Variants in SOX5 observed in about 807,000 individuals in gnomAD.
The protein encoded by SOX5 is transcription factor SOX-5.
Under a neutral mutation model 92.0 loss-of-function variants are expected in SOX5, and 9 were observed. The ratio of observed to expected loss-of-function variants is 0.10; its 90% CI spans 0.06 to 0.17. The LOEUF (loss-of-function observed/expected upper bound fraction) is 0.17. SOX5 is among the 10% of genes least tolerant of loss of function. SOX5 has a pLI of 1.00. For synonymous variants in SOX5, 344 were observed against 336.3 expected (o/e 1.02, Z -0.25); for missense variants, 642 against 944.5 (o/e 0.68, Z 4.20).
intron 1 of SOX5, among the ~76,000 whole-genome samples, chr12:24,419,435 C>T (rs770003705): frequency 1.3e-5 from 2 of 152,158 alleles, no homozygotes; most frequent in Non-Finnish European, 2.9e-5. Context: ...CCGCCATGCA[C>T]AGCCGAGTAG....
At chr12:23,573,172 T>TC (rs1948625402) in intron 10 of SOX5, among the ~76,000 whole-genome samples, 1 of 152,110 alleles carries the variant, frequency 6.6e-6, no homozygotes. Flanking sequence ...CTTCTTCCTC[T>TC]CCCCCCTTGA....
intron 4 of SOX5, among the ~76,000 whole-genome samples, chr12:24,025,879 G>C (rs1257906286): frequency 6.6e-6 from 1 of 152,068 alleles, no homozygotes; most frequent in Non-Finnish European, 1.5e-5. Context: ...ATTAAGATTA[G>C]TTGGAAAAGA....
chr12:24,451,590 G>T (rs1942313241), intron 1 of SOX5, among the ~76,000 whole-genome samples: 1 of 152,118 alleles, frequency 6.6e-6, no homozygotes. Flanking sequence ...TTAAAAAAAT[G>T]AATATCTAAT....
intron 1 of SOX5, among the ~76,000 whole-genome samples, chr12:24,468,693 A>G (rs1256237674): frequency 6.6e-6 from 1 of 152,058 alleles, no homozygotes; most frequent in Non-Finnish European, 1.5e-5. Flanking sequence ...TTTTTACTAT[A>G]TGTCTGTGGT....
At chr12:24,270,979 T>G (rs997023928) in intron 3 of SOX5, among the ~76,000 whole-genome samples, 3 of 152,280 alleles carry the variant, frequency 2.0e-5, no homozygotes, top group Non-Finnish European at 2.9e-5. Context: ...GTAAACCATC[T>G]TGTAGATTTC....
At chr12:24,163,031 C>A (rs182982227) in intron 4 of SOX5, among the ~76,000 whole-genome samples, 1 of 152,088 alleles carries the variant, frequency 6.6e-6, no homozygotes, top group Non-Finnish European at 1.5e-5. Context: ...CTCTTCCTAA[C>A]GAGGCCCTAA....
At chr12:24,054,336 T>G (rs922125012) in intron 4 of SOX5, among the ~76,000 whole-genome samples, 1 of 152,154 alleles carries the variant, frequency 6.6e-6, no homozygotes, top group African/African-American at 2.4e-5. Context: ...TGAAAACAAT[T>G]GTGCTGGACT....
At chr12:23,906,023 G>A (rs2097290259) in intron 1 of SOX5, among the ~76,000 whole-genome samples, 1 of 152,112 alleles carries the variant, frequency 6.6e-6, no homozygotes, top group Non-Finnish European at 1.5e-5. Flanking sequence ...TAATAGAAAT[G>A]ATTAAGACTT....
chr12:23,859,424 C>A lies in SOX5; in HGVS notation c.271-13231G>T, dbSNP rs575166462. ...TCTCCTGCAGTGCCCTTCAGGCTTA[C>A]TAGGATTGGGAAATTCCAGCCTGGT... On this transcript the variant is annotated intron_variant, in intron 2 of 14. Transcript: ENST00000451604. Among the ~76,000 whole-genome samples, 3 of 152,312 alleles carry A rather than the reference C, an allele frequency of 2.0e-5. No homozygotes were observed. The East Asian group carries it at 5.8e-4, about 29-fold the overall frequency.
intron 2 of SOX5, among the ~76,000 whole-genome samples, chr12:24,290,421 G>C (rs1449999673): frequency 6.6e-6 from 1 of 152,154 alleles, no homozygotes; most frequent in Admixed American, 6.5e-5. Flanking sequence ...ACTTTGTCAG[G>C]AGCCTAGCAA....
At chr12:23,563,202 A>C (rs1946515179) in intron 11 of SOX5, 56 bp downstream of exon 11, 3 of 1,358,890 alleles carry the variant, frequency 2.2e-6, no homozygotes, top group African/African-American at 1.5e-5. Context: ...TTTTTAAAAA[A>C]GCATTAGGCA....
At chr12:24,163,503 T>TC (rs1208775360) in intron 4 of SOX5, among the ~76,000 whole-genome samples, 1 of 138,456 alleles carries the variant, frequency 7.2e-6, no homozygotes, top group Non-Finnish European at 1.5e-5. Flanking sequence ...AATTTTTAAT[T>TC]CCTTTTTTTT....
intron 3 of SOX5, among the ~76,000 whole-genome samples, chr12:24,265,081 CTTG>C (rs1942810538): frequency 6.6e-6 from 1 of 152,116 alleles, no homozygotes; most frequent in Admixed American, 6.6e-5. Context: ...CTTGGATGAA[CTTG>C]TTATCACTGT....
In SOX5 at chr12:24,535,889, C is replaced by T. The variant is rs76811911; in HGVS notation, c.-251+26440G>A. On this transcript the variant is annotated intron_variant, in intron 1 of 4. Coordinates refer to the SOX5 transcript ENST00000446891. The stretch of plus-strand genomic sequence containing the variant: ...ATAAGCGGCTGACAATTGCTTCCCC[C>T]GCCCCACCACCCTGTGTTCCTTCAC... 2.6e-5 allele frequency among the ~76,000 whole-genome samples: 4 copies of T among 152,020 alleles called. No homozygotes were observed. In the East Asian group the frequency reaches 7.7e-4, roughly 29 times the overall value.
At chr12:23,649,131 A>G (rs1309941191) in intron 7 of SOX5, among the ~76,000 whole-genome samples, 1 of 152,116 alleles carries the variant, frequency 6.6e-6, no homozygotes, top group Non-Finnish European at 1.5e-5. Context: ...AAAATTTCCA[A>G]TGCAGCCATT....
intron 8 of SOX5, among the ~76,000 whole-genome samples, chr12:23,636,549 C>T (rs2079269343): frequency 6.6e-6 from 1 of 151,992 alleles, no homozygotes; most frequent in Non-Finnish European, 1.5e-5. Context: ...GGTAGGTAAA[C>T]AAAGTCAACC....
intron 4 of SOX5, among the ~76,000 whole-genome samples, chr12:23,977,599 G>A (rs1816077253): frequency 7.6e-6 from 1 of 131,500 alleles, no homozygotes; most frequent in Non-Finnish European, 1.6e-5. Flanking sequence ...GGAAGCAAAG[G>A]GTGCAGTGAG....
intron 6 of SOX5, among the ~76,000 whole-genome samples, chr12:23,704,456 T>C (rs1446310072): frequency 6.6e-6 from 1 of 151,540 alleles, no homozygotes; most frequent in Non-Finnish European, 1.5e-5. Flanking sequence ...GCCATAGCCT[T>C]ATGGCATTAA....
chr12:23,561,924 G>T (rs1345936152), intron 11 of SOX5, among the ~76,000 whole-genome samples: 1 of 152,126 alleles, frequency 6.6e-6, no homozygotes, highest in Non-Finnish European at 1.5e-5. Context: ...ATGCTTGCGA[G>T]GAATAGCTTG....
Sources: allele counts gnomAD v4.1 joint callset (sites outside exome capture counted in the v4.1 genomes callset), GRCh38; gene constraint gnomAD v4.1.1; transcripts MANE v1.5; gene names NCBI Gene and HGNC (gene_info 2026-07-23, HGNC 2026-07-21).